The following GXYLT1 variants were observed in gnomAD, a reference collection of about 807,000 sequenced individuals.
The protein encoded by GXYLT1 is glycosyltransferase 8 domain containing 3.
Under a neutral mutation model 54.0 loss-of-function variants are expected in GXYLT1, and 29 were observed. The ratio of observed to expected loss-of-function variants is 0.54; its 90% confidence interval spans 0.40 to 0.73. GXYLT1 has a LOEUF of 0.73. Among genes scored for constraint, GXYLT1 ranks in the 30% least tolerant of loss-of-function variants. The probability of loss-of-function intolerance (pLI) is 0.00; values close to 1 mark genes in which losing one functional copy is unlikely to be tolerated. For missense variants in GXYLT1, 490 were observed against 553.4 expected (o/e 0.89, Z 1.15); for synonymous variants, 176 against 204.1 (o/e 0.86, Z 1.17).
intron 3 of GXYLT1, among the ~76,000 whole-genome samples, chr12:42,115,218 C>A (rs1232858839): frequency 2.0e-5 from 3 of 152,120 alleles, no homozygotes. Flanking sequence ...TGAAACCTGG[C>A]ACAAGACAGG....
intron 5 of GXYLT1, among the ~76,000 whole-genome samples, chr12:42,099,688 A>G (rs1045649296): frequency 2.8e-4 from 43 of 152,156 alleles, no homozygotes; most frequent in African/African-American, 9.7e-4. Context: ...CCCTGTACCA[A>G]AAGTACAAAA....
In GXYLT1 at chr12:42,112,104, TA is replaced by T. The variant is rs1213994591; in HGVS notation, c.487-2414del. Among the ~76,000 whole-genome samples the T allele has an allele frequency of 2.4e-4, 36 of 152,150 alleles. 1 individual carries two copies. The highest frequency in any genetic ancestry group is 7.7e-4 in the African/African-American group (32 of 41,496). On this transcript the variant is annotated intron_variant, in intron 3 of 7. Transcript: ENST00000398675. ...GGGTCCTGTCTGGTAGAAGGAAAAC[TA>T]ACAAACAGAAAGGACATCCACACCA...
chr12:42,084,549 T>G lies in GXYLT1; in HGVS notation c.*3237A>C, dbSNP rs73280049. On this transcript the variant is annotated 3_prime_UTR_variant, in exon 8 of 8. Coordinates refer to ENST00000398675, the MANE Select transcript of GXYLT1 (RefSeq NM_173601.2). ...TCCAAATCCATTATCTCTTCTGAGT[T>G]TCATCTTGTGAGGTTTGAAGGGTAC... 6.8e-6 allele frequency: 1 copy of G among 147,004 alleles called. No homozygotes were observed. The highest frequency in any genetic ancestry group is 1.5e-5 in the Non-Finnish European group (1 of 65,640). The allele number at this position is 147,004 out of a possible 1,614,324, so 9.1% of individuals were successfully genotyped here.
chr12:42,102,615 A>AT (rs1565568521), intron 5 of GXYLT1, among the ~76,000 whole-genome samples: 1 of 152,152 alleles, frequency 6.6e-6, no homozygotes, highest in Non-Finnish European at 1.5e-5. Flanking sequence ...CTACAAAATA[A>AT]TATATAGAAA....
chr12:42,104,962 T>C (rs2065410974), intron 5 of GXYLT1, among the ~76,000 whole-genome samples: 1 of 152,198 alleles, frequency 6.6e-6, no homozygotes, highest in South Asian at 2.1e-4. Flanking sequence ...CCTGTCACGC[T>C]CTATTAAGAA....
rs2065284458 is a variant in GXYLT1, at chr12:42,085,412, G to A, written c.*2374C>T. 1.3e-5 allele frequency: 2 copies of A among 152,366 alleles called. No individual in the cohort carries two copies. The highest frequency in any genetic ancestry group is 6.8e-3 in the Middle Eastern group (2 of 294). 9.4% of individuals were successfully genotyped at this position (152,366 alleles called of 1,614,324 possible). On this transcript the variant is annotated 3_prime_UTR_variant, in exon 8 of 8. Transcript: ENST00000398675. ...AGTCCCAATCAATTAGAGCCCATGGGGCTGAGATTCTCCGTTCACTGAGGA... is the reference window on the plus strand; with the variant it reads ...AGTCCCAATCAATTAGAGCCCATGGAGCTGAGATTCTCCGTTCACTGAGGA...
intron 5 of GXYLT1, among the ~76,000 whole-genome samples, chr12:42,100,962 T>G (rs961029299): frequency 6.6e-6 from 1 of 151,744 alleles, no homozygotes; most frequent in Non-Finnish European, 1.5e-5. Context: ...AATATATATC[T>G]TACAAGAAAT....
intron 3 of GXYLT1, among the ~76,000 whole-genome samples, chr12:42,111,304 C>A (rs1021400674): frequency 3.3e-5 from 5 of 152,204 alleles, no homozygotes; most frequent in Non-Finnish European, 7.4e-5. Flanking sequence ...CTGCAGCGCA[C>A]CGTGCGCGAG....
rs965079301 is a variant in GXYLT1, at chr12:42,119,013, C to G, written c.473G>C (p.Ser158Thr). 6.2e-7 allele frequency: 1 copy of G among 1,613,602 alleles called. No individual in the cohort carries two copies. Among genetic ancestry groups the G allele is most frequent in the Non-Finnish European group, 8.5e-7 (1 of 1,179,536 alleles). ...HIFAEDQLHH[S>T]FKGRLDNWSF... ...TCAAATACTTACTCTGCCTTTAAAG[C>G]TATGATGTAGCTGATCTTCAGCAAA... The change falls in exon 3 of 8, where the codon AGC (serine) becomes ACC (threonine). Residue 158 changes from serine to threonine, a missense_variant. Ser to Thr is a moderately conservative substitution (Grantham distance 58, BLOSUM62 1). Coordinates refer to ENST00000398675, the MANE Select transcript of GXYLT1 (RefSeq NM_173601.2).
chr12:42,084,090 T>C lies in GXYLT1; in HGVS notation c.*3696A>G, dbSNP rs1047356649. ...AATACAGCAGGCCCTGCTGCCCCAT[T>C]CCATGGAAGTCAGCACCTTTCCTGA... On this transcript the variant is annotated 3_prime_UTR_variant, in exon 8 of 8. Transcript: ENST00000398675. 6.6e-6 allele frequency: 1 copy of C among 152,040 alleles called. No homozygotes were observed. The highest frequency in any genetic ancestry group is 1.5e-5 in the Non-Finnish European group (1 of 68,018). The allele number at this position is 152,040 out of a possible 1,614,324, so 9.4% of individuals were successfully genotyped here.
chr12:42,144,675 C>T lies in GXYLT1; in HGVS notation c.-29G>A. The T allele has an allele frequency of 1.4e-6, 2 of 1,381,348 alleles. No homozygotes were observed. The highest frequency in any genetic ancestry group is 1.5e-5 in the African/African-American group (1 of 66,416). The allele number at this position is 1,381,348 out of a possible 1,614,324, so 85.6% of individuals were successfully genotyped here. ...CCCGGCCGCGCTCCTCCTTCGCCGC[C>T]GCCGCCGCGCCCGCCCCGACGAACT... On this transcript the variant is annotated 5_prime_UTR_variant, in exon 1 of 8. Transcript: ENST00000398675.
intron 2 of GXYLT1, among the ~76,000 whole-genome samples, chr12:42,119,772 T>C (rs1441364749): frequency 2.0e-5 from 3 of 152,152 alleles, no homozygotes; most frequent in Non-Finnish European, 4.4e-5. Context: ...TGTGCCACTT[T>C]ACTCCAGACA....
At chr12:42,114,381 A>G (rs2065479221) in intron 3 of GXYLT1, among the ~76,000 whole-genome samples, 1 of 152,342 alleles carries the variant, frequency 6.6e-6, no homozygotes, top group East Asian at 1.9e-4. Flanking sequence ...ATAGAACGCT[A>G]GCAAGACTAA....
At chr12:42,138,517 GGATT>G (rs2065633807) in intron 1 of GXYLT1, among the ~76,000 whole-genome samples, 1 of 137,996 alleles carries the variant, frequency 7.2e-6, no homozygotes, top group Non-Finnish European at 1.5e-5. Context: ...CCACAAAGCT[GGATT>G]GATTTAAATC....
Position 42,137,101 on chromosome 12 carries a change from C to T in GXYLT1, c.222-7250G>A, listed in dbSNP as rs577333772. ...AAGTTAAACTAGAAAAAGTAATTTT[C>T]ATTTCAAAATGTCCAAGATAGGAGG... On this transcript the variant is annotated intron_variant, in intron 1 of 7. Transcript: ENST00000398675. Among the ~76,000 whole-genome samples the T allele has an allele frequency of 4.6e-5, 7 of 152,250 alleles. 1 individual carries two copies. The highest frequency in any genetic ancestry group is 1.4e-4 in the African/African-American group (6 of 41,538).
intron 1 of GXYLT1, among the ~76,000 whole-genome samples, chr12:42,140,594 GTCAC>G (rs1167355028): frequency 1.3e-5 from 2 of 152,182 alleles, no homozygotes; most frequent in Non-Finnish European, 2.9e-5. Context: ...GCTGAAGTCT[GTCAC>G]TCCAAAACTC....
chr12:42,141,609 T>C (rs968001913), intron 1 of GXYLT1, among the ~76,000 whole-genome samples: 3 of 152,148 alleles, frequency 2.0e-5, no homozygotes, highest in African/African-American at 7.2e-5. Flanking sequence ...CATTTCTCAA[T>C]GTATATGTAT....
intron 2 of GXYLT1, among the ~76,000 whole-genome samples, chr12:42,129,284 T>C (rs2065580785): frequency 6.6e-6 from 1 of 152,170 alleles, no homozygotes; most frequent in Non-Finnish European, 1.5e-5. Context: ...CAGGAGCTGC[T>C]CCTCCATCTG....
intron 1 of GXYLT1, among the ~76,000 whole-genome samples, chr12:42,141,112 G>A (rs950007910): frequency 4.6e-5 from 7 of 152,208 alleles, no homozygotes; most frequent in African/African-American, 1.4e-4. Flanking sequence ...ACAGGAATGT[G>A]CAAGTGACAC....
Sources: allele counts gnomAD v4.1 joint callset (sites outside exome capture counted in the v4.1 genomes callset), GRCh38; gene constraint gnomAD v4.1.1; transcripts MANE v1.5; gene names NCBI Gene and HGNC (gene_info 2026-07-23, HGNC 2026-07-21).